The following CWH43 variants were observed in gnomAD, a reference collection of about 807,000 sequenced individuals.
CWH43 encodes the protein PGAP2-interacting protein.
CWH43 carries 91 observed loss-of-function variants against 85.7 expected under a neutral mutation model. The observed-to-expected ratio is 1.06, with a 90% confidence interval of 0.90 to 1.26. CWH43 has a LOEUF of 1.26. Among genes scored for constraint, CWH43 ranks in the 50% most tolerant of loss-of-function variants. The pLI is 0.00. For synonymous variants in CWH43, 323 were observed against 293.6 expected, an observed-to-expected ratio of 1.10 and a Z score of -1.02; for missense variants, 869 against 839.2, an observed-to-expected ratio of 1.04 and a Z score of -0.44.
intron 12 of CWH43, among the ~76,000 whole-genome samples, chr4:49,036,457 C>T (rs1784265614): frequency 6.6e-6 from 1 of 152,200 alleles, no homozygotes; most frequent in Non-Finnish European, 1.5e-5. Context: ...TTTCTTGAGA[C>T]ATCTTTTAAT....
chr4:49,029,889 C>T (rs564484079), intron 10 of CWH43, among the ~76,000 whole-genome samples: 10 of 152,288 alleles, frequency 6.6e-5, no homozygotes, highest in African/African-American at 2.4e-4. Flanking sequence ...TGCTGCATTC[C>T]CCTTGCTGAG....
intron 8 of CWH43, among the ~76,000 whole-genome samples, chr4:49,015,037 C>T (rs182178252): frequency 2.0e-5 from 3 of 152,240 alleles, no homozygotes; most frequent in Non-Finnish European, 2.9e-5. Flanking sequence ...ACCTAATCAT[C>T]GATTCCTCCT....
At chr4:49,012,089 C>T (rs553235332) in intron 8 of CWH43, among the ~76,000 whole-genome samples, 3 of 152,174 alleles carry the variant, frequency 2.0e-5, no homozygotes, top group Non-Finnish European at 4.4e-5. Context: ...GTTCCATTCT[C>T]CCCGTCACTT....
chr4:49,008,646 T>G (rs926987063), intron 8 of CWH43, among the ~76,000 whole-genome samples: 3 of 152,226 alleles, frequency 2.0e-5, no homozygotes, highest in Admixed American at 6.5e-5. Context: ...TGAATTAATT[T>G]TTGTACAAAG....
intron 9 of CWH43, among the ~76,000 whole-genome samples, chr4:49,024,270 A>G (rs548003061): frequency 1.4e-4 from 21 of 152,312 alleles, no homozygotes; most frequent in African/African-American, 4.6e-4. Context: ...AGACAGCAGG[A>G]ACTTGGTTGG....
chr4:48,998,312 T>G, intron 5 of CWH43, 148 bp from the exon 6 acceptor site: 1 of 601,884 alleles, frequency 1.7e-6, no homozygotes, highest in Non-Finnish European at 3.0e-6. Context: ...TAATATTGGC[T>G]TCCAGTGGGC....
intron 13 of CWH43, among the ~76,000 whole-genome samples, chr4:49,040,792 G>C (rs1412721648): frequency 6.6e-6 from 1 of 151,858 alleles, no homozygotes; most frequent in Non-Finnish European, 1.5e-5. Context: ...CATTGCTTTT[G>C]GTGTTTTAGA....
At chr4:48,998,994 G>A (rs553812929) in intron 6 of CWH43, among the ~76,000 whole-genome samples, 57 of 152,174 alleles carry the variant, frequency 3.7e-4, no homozygotes, top group Admixed American at 3.3e-3. Context: ...AAGTAAATTC[G>A]TGCAATGGGG....
chr4:49,037,943 A>C, intron 12 of CWH43, 93 bp from the exon 13 acceptor site: 4 of 1,059,524 alleles, frequency 3.8e-6, no homozygotes, highest in Non-Finnish European at 5.5e-6. Context: ...CTTCTTCACT[A>C]TATGCAGATA....
At chr4:49,004,866 A>G (rs945200485) in intron 7 of CWH43, among the ~76,000 whole-genome samples, 3 of 152,192 alleles carry the variant, frequency 2.0e-5, no homozygotes, top group East Asian at 1.9e-4. Context: ...TGATTCACAT[A>G]CCAAAATTAT....
chr4:48,995,443 C>T (rs888550491), intron 5 of CWH43, among the ~76,000 whole-genome samples: 1 of 152,214 alleles, frequency 6.6e-6, no homozygotes, highest in Non-Finnish European at 1.5e-5. Flanking sequence ...CTGGCTCCAT[C>T]TCTTCTTGCA....
chr4:49,048,342 G>GTA (rs933840846), intron 14 of CWH43, among the ~76,000 whole-genome samples: 46 of 148,824 alleles, frequency 3.1e-4, no homozygotes, highest in African/African-American at 7.6e-4. Context: ...CACTCTGTGT[G>GTA]TATATATATA....
In CWH43 at chr4:48,991,494, A is replaced by T. The variant is rs1473224510; in HGVS notation, c.276A>T (p.Arg92=). ...TCCAGGCTCCAAATGCCAAACTTCG[A>T]CTGATGGTTCTTGCGCTTGGGGTGT... ...ASFQAPNAKL[R]LMVLALGVSS... Residue 92 remains arginine (R), a synonymous_variant, in exon 3 of 16, where the codon CGA becomes CGT. Coordinates refer to ENST00000226432, the MANE Select transcript of CWH43 (RefSeq NM_025087.3). 1.7e-5 allele frequency: 28 copies of T among 1,614,002 alleles called. No individual in the cohort carries two copies. Among genetic ancestry groups the T allele is most frequent in the Non-Finnish European group, 2.2e-5 (26 of 1,179,962 alleles).
rs1433848557 is a variant in CWH43 at position 48,986,333 on chromosome 4, C to T, written c.-97C>T. ...GGAACGAGGGGCGCGGACGCAGGCCCGGGAGGACGCGGCGGCGGGAACCTG... is the reference window on the plus strand; with the variant it reads ...GGAACGAGGGGCGCGGACGCAGGCCTGGGAGGACGCGGCGGCGGGAACCTG... On this transcript the variant is annotated 5_prime_UTR_variant, in exon 1 of 16. Coordinates refer to ENST00000226432, the MANE Select transcript of CWH43 (RefSeq NM_025087.3). The T allele has an allele frequency of 2.5e-6, 3 of 1,222,666 alleles. No individual in the cohort carries two copies. The highest frequency in any genetic ancestry group is 1.4e-5 in the South Asian group (1 of 69,568). The allele number at this position is 1,222,666 out of a possible 1,614,324, so 75.7% of individuals were successfully genotyped here. A position where few individuals can be genotyped will look rare whatever the true frequency, so the allele number is the denominator to read the frequency against.
intron 2 of CWH43, 60 bp downstream of exon 2, chr4:48,988,728 A>T: frequency 9.6e-7 from 1 of 1,041,820 alleles, no homozygotes; most frequent in South Asian, 1.9e-5. Flanking sequence ...AAGTGAGATT[A>T]TGTAGACTGT....
chr4:48,995,338 CAG>C (rs1470552064), intron 5 of CWH43, among the ~76,000 whole-genome samples: 1 of 152,202 alleles, frequency 6.6e-6, no homozygotes, highest in Non-Finnish European at 1.5e-5. Flanking sequence ...CAGGGTCACA[CAG>C]GGAGTTAGTA....
In CWH43 at chr4:49,061,939, T is replaced by C. The variant is rs1315347901; in HGVS notation, c.*49T>C. ...GGCTGGGAAAATCTAAGAAAAAAAG[T>C]ATGTAAGATAAAAAGAAGAGATTAA... On this transcript the variant is annotated 3_prime_UTR_variant, in exon 16 of 16. Coordinates refer to ENST00000226432, the MANE Select transcript of CWH43 (RefSeq NM_025087.3). 1.1e-5 allele frequency: 14 copies of C among 1,246,516 alleles called. No homozygotes were observed. Among genetic ancestry groups the C allele is most frequent in the Non-Finnish European group, 1.5e-5 (14 of 943,726 alleles). 77.2% of individuals were successfully genotyped at this position (1,246,516 alleles called of 1,614,324 possible).
chr4:49,034,748 C>G (rs566587654), intron 12 of CWH43, among the ~76,000 whole-genome samples: 1 of 152,260 alleles, frequency 6.6e-6, no homozygotes, highest in South Asian at 2.1e-4. Flanking sequence ...GTATCCTTTG[C>G]TGAGTTTCTT....
intron 15 of CWH43, among the ~76,000 whole-genome samples, chr4:49,060,202 C>A (rs528546480): frequency 6.6e-6 from 1 of 151,584 alleles, no homozygotes; most frequent in East Asian, 1.9e-4. Context: ...AGCCTAGCAC[C>A]AGGTTGGGCT....
Sources: gnomAD v4.1 joint callset for allele counts (sites outside exome capture counted in the v4.1 genomes callset) on GRCh38, gnomAD v4.1.1 for gene constraint, MANE v1.5 for transcripts, NCBI Gene and HGNC (gene_info 2026-07-23, HGNC 2026-07-21) for gene names.